TENM2: variants seen among roughly 807,000 people sequenced by gnomAD.
TENM2 encodes teneurin-2.
In TENM2, 52 loss-of-function variants were observed where a neutral mutation model predicts 245.2. The ratio of observed to expected loss-of-function variants is 0.21; its 90% CI spans 0.17 to 0.27. The LOEUF is 0.27. Ranked by LOEUF, TENM2 falls within the 10% of genes least tolerant of loss-of-function variation. TENM2 has a pLI of 1.00. For missense variants in TENM2, 3,046 were observed against 3,666.8 expected (o/e 0.83, Z 4.37); for synonymous variants, 1,363 against 1,438.9 (o/e 0.95, Z 1.19).
chr5:167,167,917 T>TAAG, the TENM2 span, among the ~76,000 whole-genome samples: 1 of 152,050 alleles, frequency 6.6e-6, no homozygotes, highest in African/African-American at 2.4e-5. Flanking sequence ...ACTGAAAAGT[T>TAAG]AAGAATTACA....
chr5:167,929,057 GAGAGAA>G (rs1366523236), intron 3 of TENM2, among the ~76,000 whole-genome samples: 25 of 57,384 alleles, frequency 4.4e-4, no homozygotes, highest in African/African-American at 1.1e-3. Flanking sequence ...AAGAAAGAAA[GAGAGAA>G]AGAAAGAAAG....
At chr5:167,814,139 A>G (rs769802203) in intron 2 of TENM2, among the ~76,000 whole-genome samples, 39 of 152,276 alleles carry the variant, frequency 2.6e-4, no homozygotes, top group Non-Finnish European at 4.0e-4. Flanking sequence ...CCAGGGGCCA[A>G]TTGCTAATGC....
intron 2 of TENM2, among the ~76,000 whole-genome samples, chr5:167,512,875 T>C (rs1770063541): frequency 6.6e-6 from 1 of 152,226 alleles, no homozygotes; most frequent in Non-Finnish European, 1.5e-5. Flanking sequence ...GCAGTAGCGT[T>C]TCTTTCTTTG....
chr5:167,080,148 TA>T, the TENM2 span, among the ~76,000 whole-genome samples: 2 of 152,230 alleles, frequency 1.3e-5, no homozygotes, highest in Non-Finnish European at 2.9e-5. Context: ...ATAAGTTGAA[TA>T]GAAGATAATT....
intron 2 of TENM2, among the ~76,000 whole-genome samples, chr5:167,774,835 C>A (rs13357813): frequency 0.14 from 20,640 of 152,176 alleles, 1,869 homozygotes; most frequent in African/African-American, 0.25. Flanking sequence ...TGAAATAATT[C>A]TCAAAACATA....
At chr5:167,133,165 A>T in the TENM2 span, among the ~76,000 whole-genome samples, 1 of 152,204 alleles carries the variant, frequency 6.6e-6, no homozygotes, top group Non-Finnish European at 1.5e-5. Flanking sequence ...GAGAAACCGT[A>T]AAGGCTAAAG....
chr5:167,866,138 C>A (rs1328858242), intron 2 of TENM2, among the ~76,000 whole-genome samples: 2 of 152,132 alleles, frequency 1.3e-5, no homozygotes, highest in African/African-American at 4.8e-5. Context: ...GTGTGGTGAT[C>A]AGAAAAGACT....
At chr5:167,880,094 G>A (rs186580162) in intron 3 of TENM2, among the ~76,000 whole-genome samples, 4 of 151,980 alleles carry the variant, frequency 2.6e-5, no homozygotes, top group African/African-American at 7.3e-5. Flanking sequence ...CTGGAGTGGC[G>A]TGATCTTGGC....
chr5:167,291,818 G>C (rs1040539978), intron 1 of TENM2, among the ~76,000 whole-genome samples: 1 of 152,182 alleles, frequency 6.6e-6, no homozygotes, highest in Non-Finnish European at 1.5e-5. Flanking sequence ...ATGCTAGTGA[G>C]GCTGAAGTTT....
chr5:167,912,398 G>A (rs1195241976), intron 3 of TENM2, among the ~76,000 whole-genome samples: 2 of 152,156 alleles, frequency 1.3e-5, no homozygotes, highest in African/African-American at 4.8e-5. Context: ...ATCTATTGAT[G>A]CAGACTTAGC....
rs572556182 is a variant in TENM2 at position 167,858,216 on chromosome 5, T to A, written c.503-17770T>A. ...AGAACTGCAGAGACTGGGAAGAAAA[T>A]GTGAGCTAAGAGCCACAACAGCCTT... On this transcript the variant is annotated intron_variant, in intron 2 of 28. Coordinates refer to ENST00000518659, the Ensembl canonical transcript of TENM2. Among the ~76,000 whole-genome samples, 19 of 152,330 alleles carry A rather than the reference T, an allele frequency of 1.2e-4. 1 individual carries two copies. The South Asian group carries it at 3.7e-3, about 30-fold the overall frequency.
chr5:167,462,195 T>C (rs1203495788), intron 2 of TENM2, among the ~76,000 whole-genome samples: 4 of 13,372 alleles, frequency 3.0e-4, no homozygotes, highest in African/African-American at 6.4e-4. Flanking sequence ...CCCCCCCCCA[T>C]TGCAGGACAT....
chr5:168,173,305 G>T (rs1375049431), intron 13 of TENM2, among the ~76,000 whole-genome samples: 1 of 152,120 alleles, frequency 6.6e-6, no homozygotes, highest in African/African-American at 2.4e-5. Context: ...CTGGAGTCCT[G>T]GTTTCCTGGC....
chr5:167,030,876 G>C, the TENM2 span, among the ~76,000 whole-genome samples: 1 of 152,056 alleles, frequency 6.6e-6, no homozygotes, highest in African/African-American at 2.4e-5. Context: ...CTTTCTGCAG[G>C]GCTCATTGGG....
At chr5:167,017,716 C>A in the TENM2 span, among the ~76,000 whole-genome samples, 1 of 152,240 alleles carries the variant, frequency 6.6e-6, no homozygotes, top group East Asian at 1.9e-4. Context: ...ACTATTAAAG[C>A]TTTAGATTGG....
intron 2 of TENM2, among the ~76,000 whole-genome samples, chr5:167,649,894 A>G (rs1754332731): frequency 1.3e-5 from 2 of 152,204 alleles, no homozygotes; most frequent in Non-Finnish European, 1.5e-5. Flanking sequence ...TTATGCATGT[A>G]TGTTTTCTAG....
intron 2 of TENM2, among the ~76,000 whole-genome samples, chr5:167,816,388 C>T (rs1043958400): frequency 5.9e-5 from 9 of 152,142 alleles, no homozygotes; most frequent in Non-Finnish European, 1.2e-4. Flanking sequence ...CTTCAGGAAA[C>T]AAGATGACTG....
chr5:167,955,414 G>C (rs1780472202), intron 4 of TENM2, among the ~76,000 whole-genome samples: 2 of 152,078 alleles, frequency 1.3e-5, no homozygotes, highest in Non-Finnish European at 2.9e-5. Context: ...CCATTCTATA[G>C]ATTGCCTGTT....
the TENM2 span, among the ~76,000 whole-genome samples, chr5:167,105,360 G>T: frequency 6.6e-6 from 1 of 152,122 alleles, no homozygotes; most frequent in Non-Finnish European, 1.5e-5. Flanking sequence ...ACCTAATTAG[G>T]TTCTTTTTTC....
Sources: gnomAD v4.1 joint callset for allele counts (sites outside exome capture counted in the v4.1 genomes callset) on GRCh38, gnomAD v4.1.1 for gene constraint, MANE v1.5 for transcripts, NCBI Gene and HGNC (gene_info 2026-07-23, HGNC 2026-07-21) for gene names.